PSMA8: variants seen among roughly 807,000 people sequenced by gnomAD.
The protein encoded by PSMA8 is proteasome subunit alpha-type 8.
A neutral mutation model predicts 32.4 loss-of-function variants in PSMA8; 18 were observed. That is an observed-to-expected ratio of 0.56 (90% CI 0.38 to 0.82). PSMA8 has a LOEUF of 0.82. PSMA8 is among the 40% of genes least tolerant of loss of function. The pLI, the probability that PSMA8 is intolerant of heterozygous loss-of-function variation, is 0.00. For synonymous variants in PSMA8, 104 were observed against 98.1 expected (o/e 1.06, Z -0.36); for missense variants, 298 against 300.7 (o/e 0.99, Z 0.07).
chr18:26,173,270 G>C (rs937964691), intron 4 of PSMA8, among the ~76,000 whole-genome samples: 2 of 152,074 alleles, frequency 1.3e-5, no homozygotes, highest in Non-Finnish European at 2.9e-5. Flanking sequence ...GGCCAGATGT[G>C]TACTTTCCTC....
intron 2 of PSMA8, among the ~76,000 whole-genome samples, chr18:26,147,100 C>A (rs1395766388): frequency 6.6e-6 from 1 of 151,150 alleles, no homozygotes; most frequent in Non-Finnish European, 1.5e-5. Context: ...CATGAGAAAC[C>A]ATCCCCATGA....
At position 26,165,675 on chromosome 18, in the gene PSMA8, T is replaced by TA. The variant is rs372422301; in HGVS notation, c.477+7442dup. Among the ~76,000 whole-genome samples the TA allele has an allele frequency of 2.5e-3, 364 of 146,772 alleles. 2 individuals carry two copies. The highest frequency in any genetic ancestry group is 6.3e-3 in the African/African-American group (256 of 40,388). On this transcript the variant is annotated intron_variant, in intron 4 of 6. Transcript: ENST00000415576. ...TTCTGGACACTGGGGATAGCAGTGATAAAAAAAAAAATCTCTACCTTTTAG... is the reference window on the plus strand; with the variant it reads ...TTCTGGACACTGGGGATAGCAGTGATAAAAAAAAAAAATCTCTACCTTTTAG...
chr18:26,180,736 A>G (rs188399421), intron 6 of PSMA8, among the ~76,000 whole-genome samples: 90 of 152,098 alleles, frequency 5.9e-4, no homozygotes, highest in Admixed American at 6.5e-4. Flanking sequence ...ACACAGAGTT[A>G]TATGCATATT....
intron 4 of PSMA8, among the ~76,000 whole-genome samples, chr18:26,165,719 C>A (rs2055173401): frequency 6.6e-6 from 1 of 151,932 alleles, no homozygotes; most frequent in African/African-American, 2.4e-5. Context: ...GAAAGATAAG[C>A]AAAACATATG....
intron 4 of PSMA8, among the ~76,000 whole-genome samples, chr18:26,165,413 G>T (rs531435741): frequency 1.1e-4 from 17 of 152,120 alleles, no homozygotes; most frequent in Non-Finnish European, 2.4e-4. Flanking sequence ...TTAGTTGTTC[G>T]TTGTACTTTA....
intron 2 of PSMA8, among the ~76,000 whole-genome samples, chr18:26,147,480 C>T (rs139798513): frequency 7.4e-4 from 112 of 152,030 alleles, no homozygotes; most frequent in African/African-American, 2.7e-3. Flanking sequence ...AATTTATAGC[C>T]ATAAACATTT....
chr18:26,189,608 C>T (rs1050646660), intron 6 of PSMA8, among the ~76,000 whole-genome samples: 3 of 152,074 alleles, frequency 2.0e-5, no homozygotes, highest in African/African-American at 7.2e-5. Flanking sequence ...CATCTCACCC[C>T]AGTTAAAATG....
At chr18:26,174,785 G>C (rs1295963389) in intron 4 of PSMA8, among the ~76,000 whole-genome samples, 1 of 152,190 alleles carries the variant, frequency 6.6e-6, no homozygotes, top group Non-Finnish European at 1.5e-5. Context: ...CTCTAGCTAA[G>C]TAATTTTGTT....
intron 6 of PSMA8, among the ~76,000 whole-genome samples, chr18:26,187,285 C>T (rs921795230): frequency 2.0e-5 from 3 of 151,998 alleles, no homozygotes; most frequent in Non-Finnish European, 4.4e-5. Context: ...TGGCAGAGGT[C>T]GTAGTGAGCT....
At chr18:26,173,008 C>T (rs1193075414) in intron 4 of PSMA8, among the ~76,000 whole-genome samples, 8 of 152,122 alleles carry the variant, frequency 5.3e-5, no homozygotes, top group East Asian at 1.9e-4. Context: ...CAAGGCCATG[C>T]GTTCTTGGCA....
chr18:26,150,741 A>T (rs940793784), intron 2 of PSMA8, among the ~76,000 whole-genome samples: 11 of 152,176 alleles, frequency 7.2e-5, no homozygotes, highest in African/African-American at 2.4e-4. Flanking sequence ...TTTTTCCTCG[A>T]ATCAATTATA....
rs756602950 is a variant in PSMA8, at chr18:26,152,004, C to G, written c.354+22C>G. 1.2e-5 allele frequency: 19 copies of G among 1,569,844 alleles called. No individual in the cohort carries two copies. In the South Asian group the frequency reaches 2.2e-4, roughly 18 times the overall value. ...GCAGGTAAGCTAATATTCTAACATA[C>G]TTTGTTAAGCTTTCTCCTTTTTCAT... is the stretch of plus-strand genomic sequence containing the variant. On this transcript the variant is annotated intron_variant, in intron 3 of 6. Coordinates refer to ENST00000415576, the MANE Select transcript of PSMA8 (RefSeq NM_001025096.2).
chr18:26,135,889 T>C (rs1258540055), intron 1 of PSMA8, among the ~76,000 whole-genome samples: 2 of 152,346 alleles, frequency 1.3e-5, no homozygotes, highest in Non-Finnish European at 1.5e-5. Context: ...AATTCTGAAA[T>C]TATAATTTGC....
intron 4 of PSMA8, among the ~76,000 whole-genome samples, 194 bp downstream of exon 4, chr18:26,158,438 T>A (rs1320665747): frequency 6.6e-6 from 1 of 152,182 alleles, no homozygotes; most frequent in Non-Finnish European, 1.5e-5. Context: ...AAGCACAAGG[T>A]CTTTTGAAAA....
At chr18:26,150,961 A>G (rs2055041158) in intron 2 of PSMA8, among the ~76,000 whole-genome samples, 1 of 152,148 alleles carries the variant, frequency 6.6e-6, no homozygotes, top group South Asian at 2.1e-4. Flanking sequence ...GTTTCTTGCC[A>G]TTTCTTTCTC....
chr18:26,169,833 C>T lies in PSMA8; in HGVS notation c.478-8997C>T, dbSNP rs1243419942. On this transcript the variant is annotated intron_variant, in intron 4 of 6. Transcript: ENST00000415576. ...TGCATGCTAGCCTGGGCAACAAGAG[C>T]GAAACGCTGTCTAAAAAAAAAAGAA... Among the ~76,000 whole-genome samples, 7 of 117,784 alleles carry T rather than the reference C, an allele frequency of 5.9e-5. 1 individual carries two copies. The highest frequency in any genetic ancestry group is 2.4e-4 in the South Asian group (1 of 4,194). The allele number at this position is 117,784 out of a possible 152,430, so 77.3% of individuals were successfully genotyped here.
intron 2 of PSMA8, 97 bp downstream of exon 2, chr18:26,144,782 T>A: frequency 1.7e-6 from 2 of 1,175,200 alleles, no homozygotes; most frequent in Non-Finnish European, 2.4e-6. Context: ...TTATAAAACA[T>A]GTGGAGTTGT....
Position 26,181,758 on chromosome 18 carries a change from T to C in PSMA8, c.660+2628T>C, listed in dbSNP as rs893983636. 2.6e-5 allele frequency among the ~76,000 whole-genome samples: 4 copies of C among 152,132 alleles called. No individual in the cohort carries two copies. The South Asian group carries it at 8.3e-4, about 32-fold the overall frequency. ...TGGCCAACATGGCAAAACCTGTCTC[T>C]ACTAAAAATACAAAATTTAGCCACG... On this transcript the variant is annotated intron_variant, in intron 6 of 6. Transcript: ENST00000415576.
At chr18:26,186,093 A>C (rs896829936) in intron 6 of PSMA8, among the ~76,000 whole-genome samples, 7 of 149,302 alleles carry the variant, frequency 4.7e-5, no homozygotes, top group African/African-American at 1.7e-4. Flanking sequence ...ACACACACAA[A>C]AAAAAATTAG....
Sources: allele counts gnomAD v4.1 joint callset (sites outside exome capture counted in the v4.1 genomes callset), GRCh38; gene constraint gnomAD v4.1.1; transcripts MANE v1.5; gene names NCBI Gene and HGNC (gene_info 2026-07-23, HGNC 2026-07-21).